ALS2CL: variants seen among roughly 807,000 people sequenced by gnomAD.
ALS2CL encodes the protein ALS2 C-terminal like, also known as ALS2 C-terminal-like protein.
Under a neutral mutation model 127.9 loss-of-function variants are expected in ALS2CL, and 112 were observed. The observed-to-expected ratio is 0.88, with a 90% CI of 0.75 to 1.02. The LOEUF is 1.02. ALS2CL is among the 50% of genes least tolerant of loss of function. The pLI is 0.00. For missense variants in ALS2CL, 1,174 were observed against 1,236.7 expected, an observed-to-expected ratio of 0.95 and a Z score of 0.76; for synonymous variants, 519 against 527.6, an observed-to-expected ratio of 0.98 and a Z score of 0.22.
chr3:46,683,672 C>T, intron 9 of ALS2CL, 110 bp downstream of exon 9: 3 of 1,373,850 alleles, frequency 2.2e-6, no homozygotes, highest in Non-Finnish European at 3.1e-6. Flanking sequence ...AGAAGCCTGC[C>T]AGACACTCGC....
In ALS2CL at chr3:46,678,000, CA is replaced by C. The variant is rs527464518; in HGVS notation, c.1757+258del. 3.1e-3 allele frequency among the ~76,000 whole-genome samples: 398 copies of C among 129,760 alleles called. 2 individuals are homozygous for C. The highest frequency in any genetic ancestry group is 9.0e-3 in the African/African-American group (312 of 34,732). 85.1% of individuals were successfully genotyped at this position (129,760 alleles called of 152,430 possible). A position where few individuals can be genotyped will look rare whatever the true frequency, so the allele number is the denominator to read the frequency against. On this transcript the variant is annotated intron_variant, in intron 16 of 25. Transcript: ENST00000318962. Reference sequence around the variant, plus strand: ...TAAACCGTATTGTATCCTTTCGAGACAAAAAAAAAAAAAAAGCAGGACCTAA... The same window carrying C: ...TAAACCGTATTGTATCCTTTCGAGACAAAAAAAAAAAAAAGCAGGACCTAA...
chr3:46,671,884 C>A lies in ALS2CL; in HGVS notation c.2684G>T (p.Arg895Leu), dbSNP rs549538690. Residue 895 changes from arginine (R) to leucine (L), a missense_variant and splice_region_variant, in exon 24 of 26, where the codon CGA becomes CTA. By Grantham distance (102) the Arg-to-Leu change is moderately radical (BLOSUM62 -2). Transcript: ENST00000318962. ...CACCCCCAGCTCCTGACTGCCTCAC[C>A]GGGCGCGCGACACCACGTAGATGAG... ...PLLIYVVSRARIQHLGAEIHL... is the reference protein window; with the variant it reads ...PLLIYVVSRALIQHLGAEIHL... The A allele has an allele frequency of 3.1e-6, 5 of 1,613,478 alleles. No individual in the cohort carries two copies. The South Asian group carries it at 5.5e-5, about 18-fold the overall frequency.
intron 1 of ALS2CL, among the ~76,000 whole-genome samples, chr3:46,693,153 C>T (rs1182032215): frequency 2.0e-5 from 3 of 152,254 alleles, no homozygotes; most frequent in East Asian, 1.9e-4. Flanking sequence ...TTGTCCTAGA[C>T]AAGCACCCCT....
intron 13 of ALS2CL, 44 bp from the exon 14 acceptor site, chr3:46,680,585 C>A: frequency 6.4e-7 from 1 of 1,571,054 alleles, no homozygotes; most frequent in East Asian, 2.3e-5. Flanking sequence ...AGACTCATTC[C>A]CATGTACCTC....
intron 20 of ALS2CL, 70 bp downstream of exon 20, chr3:46,675,544 AAGGG>A: frequency 7.1e-7 from 1 of 1,409,594 alleles, no homozygotes; most frequent in South Asian, 1.2e-5. Flanking sequence ...CTCTTTCCCC[AAGGG>A]AGGTCCTAGG....
chr3:46,687,897 A>G (rs1486974400), intron 3 of ALS2CL, among the ~76,000 whole-genome samples: 5 of 152,206 alleles, frequency 3.3e-5, no homozygotes, highest in Non-Finnish European at 7.3e-5. Flanking sequence ...CCCAAGCCTC[A>G]GGTCTGGAGT....
chr3:46,689,390 T>C lies in ALS2CL; in HGVS notation c.51A>G (p.Ser17=), dbSNP rs756044334. The C allele has an allele frequency of 1.9e-6, 3 of 1,612,072 alleles. No individual in the cohort carries two copies. The highest frequency in any genetic ancestry group is 8.5e-7 in the Non-Finnish European group (1 of 1,179,782). Reference sequence around the variant, plus strand: ...GGCTGTTGACATGGGCGAGGGTGGCTGAGAAGACCTCCTCCAGCCGCAGCA... The same window carrying C: ...GGCTGTTGACATGGGCGAGGGTGGCCGAGAAGACCTCCTCCAGCCGCAGCA... ...AALLRLEEVF[S]ATLAHVNSLV... The change falls in exon 2 of 26, where the codon TCA becomes TCG. Residue 17 remains serine (S), a synonymous_variant. Coordinates refer to ENST00000318962, the MANE Select transcript of ALS2CL (RefSeq NM_147129.5).
intron 10 of ALS2CL, 96 bp downstream of exon 10, chr3:46,683,034 G>A: frequency 7.6e-7 from 1 of 1,313,580 alleles, no homozygotes; most frequent in South Asian, 1.5e-5. Context: ...AACCGCTCCT[G>A]GAACATGTCC....
At chr3:46,688,552 G>A (rs1230481506) in intron 2 of ALS2CL, among the ~76,000 whole-genome samples, 4 of 152,168 alleles carry the variant, frequency 2.6e-5, no homozygotes, top group Admixed American at 6.5e-5. Context: ...ACTAAACAGG[G>A]ACAACCCTGA....
chr3:46,687,253 C>T, intron 4 of ALS2CL, 105 bp from the exon 5 acceptor site: 1 of 1,299,918 alleles, frequency 7.7e-7, no homozygotes, highest in Non-Finnish European at 1.0e-6. Flanking sequence ...CCAGGGCCAG[C>T]CCCAGGCCCA....
Position 46,670,602 on chromosome 3 carries a change from A to G in ALS2CL, c.*382T>C. 4.9e-6 allele frequency: 1 copy of G among 202,024 alleles called. No homozygotes were observed. The highest frequency in any genetic ancestry group is 1.0e-5 in the Non-Finnish European group (1 of 96,820). The allele number at this position is 202,024 out of a possible 1,614,324, so 12.5% of individuals were successfully genotyped here. A position where few individuals can be genotyped will look rare whatever the true frequency, so the allele number is the denominator to read the frequency against. ...AGGACTCTGGAATTCAGCAAAATGA[A>G]TGGAAGGTCCTTTACAGCGTACTCA... On this transcript the variant is annotated 3_prime_UTR_variant, in exon 26 of 26. Transcript: ENST00000318962. This position sits in a 1 kb window ranked among gnomAD's most constrained non-coding sequence, Gnocchi z 5.5.
intron 15 of ALS2CL, 62 bp from the exon 16 acceptor site, chr3:46,678,451 G>A (rs1699054148): frequency 6.4e-7 from 1 of 1,563,914 alleles, no homozygotes; most frequent in African/African-American, 1.3e-5. Context: ...AGCCAATCAT[G>A]ACAGGCCACA....
In ALS2CL at chr3:46,676,724, T is replaced by A. The variant is rs1698858571; in HGVS notation, c.1946A>T (p.Asp649Val). 6.2e-7 allele frequency: 1 copy of A among 1,613,390 alleles called. No individual in the cohort carries two copies. The highest frequency in any genetic ancestry group is 1.3e-5 in the African/African-American group (1 of 74,810). The change falls in exon 18 of 26, where the codon GAC (aspartate) becomes GTC (valine). Residue 649 changes from aspartate to valine, a missense_variant. Coordinates refer to ENST00000318962, the MANE Select transcript of ALS2CL (RefSeq NM_147129.5). ...YLSCERTHPE[D>V]SVGSMEDILE... ...GATGTCTTCCATACTGCCCACACTG[T>A]CCTCAGGGTGGGTCCTGGGCACCAC...
intron 19 of ALS2CL, 94 bp downstream of exon 19, chr3:46,676,151 T>A: frequency 6.6e-7 from 1 of 1,515,442 alleles, no homozygotes; most frequent in South Asian, 1.2e-5. Context: ...ATCAGACACT[T>A]GGCATTCCTC....
At chr3:46,673,189 G>T (rs917760926) in intron 22 of ALS2CL, 150 bp downstream of exon 22, 2 of 767,600 alleles carry the variant, frequency 2.6e-6, no homozygotes, top group African/African-American at 1.7e-5. Flanking sequence ...ACCACACTGG[G>T]AGGTCAGAAT....
At chr3:46,679,392 T>C in intron 14 of ALS2CL, 105 bp from the exon 15 acceptor site, 2 of 985,920 alleles carry the variant, frequency 2.0e-6, no homozygotes, top group Admixed American at 4.3e-5. Flanking sequence ...CCCTGACACA[T>C]GGCGAGAGGG....
At chr3:46,692,232 A>G (rs928967996) in intron 1 of ALS2CL, among the ~76,000 whole-genome samples, 10 of 152,152 alleles carry the variant, frequency 6.6e-5, no homozygotes, top group Admixed American at 1.3e-4. Flanking sequence ...CCTGGAAGTG[A>G]TGAGGAGAGT....
chr3:46,678,421 G>A (rs1455230361), intron 15 of ALS2CL, 32 bp from the exon 16 acceptor site: 1 of 1,594,916 alleles, frequency 6.3e-7, no homozygotes, highest in East Asian at 2.2e-5. Flanking sequence ...AGGGATGTCT[G>A]TCTGCCCAGT....
chr3:46,682,442 C>T (rs1699427572), intron 10 of ALS2CL, among the ~76,000 whole-genome samples: 1 of 152,188 alleles, frequency 6.6e-6, no homozygotes, highest in Admixed American at 6.5e-5. Flanking sequence ...CACCCTCCTC[C>T]CCACTTCTGT....
Sources: allele counts gnomAD v4.1 joint callset (sites outside exome capture counted in the v4.1 genomes callset), GRCh38; gene constraint gnomAD v4.1.1; non-coding constraint Gnocchi (gnomAD v3.1); transcripts MANE v1.5; gene names NCBI Gene and HGNC (gene_info 2026-07-23, HGNC 2026-07-21).